Variants in THSD7A observed in about 807,000 individuals in gnomAD.
THSD7A encodes thrombospondin type-1 domain-containing protein 7A.
THSD7A carries 96 observed loss-of-function variants against 231.3 expected under a neutral mutation model. The ratio of observed to expected loss-of-function variants is 0.41; its 90% CI spans 0.35 to 0.49. The LOEUF is 0.49. THSD7A is among the 20% of genes least tolerant of loss of function. THSD7A has a pLI of 0.05. For synonymous variants in THSD7A, 940 were observed against 743.3 expected, an observed-to-expected ratio of 1.26 and a Z score of -4.30; for missense variants, 2,290 against 2,070.2, an observed-to-expected ratio of 1.11 and a Z score of -2.06.
chr7:11,758,010 C>CATAT (rs3037680), intron 1 of THSD7A, among the ~76,000 whole-genome samples: 2,401 of 142,730 alleles, frequency 0.017, 22 homozygotes, highest in Middle Eastern at 0.025. Flanking sequence ...CATATGCATT[C>CATAT]ATATATATAT....
intron 24 of THSD7A, 31 bp from the exon 25 acceptor site, chr7:11,379,743 T>C (rs1022082658): frequency 3.9e-6 from 6 of 1,552,322 alleles, no homozygotes; most frequent in Admixed American, 3.9e-5. Flanking sequence ...TTTTGACAAA[T>C]AATATATTTT....
intron 1 of THSD7A, among the ~76,000 whole-genome samples, chr7:11,762,730 C>T (rs1782904745): frequency 6.6e-6 from 1 of 152,012 alleles, no homozygotes; most frequent in Non-Finnish European, 1.5e-5. Flanking sequence ...TGCAGAAACT[C>T]TTTAATTTAT....
In THSD7A at chr7:11,401,355, C is replaced by A. The variant is rs79971706; in HGVS notation, c.4411+440G>T. 2.1e-3 allele frequency among the ~76,000 whole-genome samples: 318 copies of A among 152,278 alleles called. 1 individual carries two copies. In the East Asian group the frequency reaches 0.05, roughly 24 times the overall value. On this transcript the variant is annotated intron_variant, in intron 23 of 27. Coordinates refer to ENST00000423059, the MANE Select transcript of THSD7A (RefSeq NM_015204.3). ...TTCCATCTTTCCAATCTTTAGAATT[C>A]AGAATCTTCCCCTTACTTTAGTCCT...
chr7:11,589,783 T>C (rs1780079984), intron 4 of THSD7A, among the ~76,000 whole-genome samples: 1 of 152,222 alleles, frequency 6.6e-6, no homozygotes, highest in Admixed American at 6.5e-5. Flanking sequence ...ATACACTTAA[T>C]CAAATAATTA....
At chr7:11,635,580 T>TAA (rs1169384884) in intron 2 of THSD7A, among the ~76,000 whole-genome samples, 1 of 152,216 alleles carries the variant, frequency 6.6e-6, no homozygotes, top group Non-Finnish European at 1.5e-5. Flanking sequence ...ACCCTCTACT[T>TAA]ACCTTATTTT....
At chr7:11,738,653 T>C (rs1029356188) in intron 1 of THSD7A, among the ~76,000 whole-genome samples, 2 of 151,916 alleles carry the variant, frequency 1.3e-5, no homozygotes, top group African/African-American at 2.4e-5. Flanking sequence ...ATCCCTATGA[T>C]CTGTGATCAC....
rs1781934308 is a variant in THSD7A at position 11,637,960 on chromosome 7, C to A, written c.191-999G>T. Among the ~76,000 whole-genome samples, 1 of 151,538 alleles carries A rather than the reference C, an allele frequency of 6.6e-6. No individual in the cohort carries two copies. Among genetic ancestry groups the A allele is most frequent in the African/African-American group, 2.4e-5 (1 of 41,278 alleles). ...AAAGTTCATGTAAGTACATGATTTT[C>A]AAAAAGTATTCCATGAATTTGAGAA... On this transcript the variant is annotated intron_variant, in intron 1 of 27. Coordinates refer to ENST00000423059, the MANE Select transcript of THSD7A (RefSeq NM_015204.3). This position sits in a 1 kb window ranked among gnomAD's most constrained non-coding sequence, Gnocchi z 4.2.
chr7:11,556,281 G>A (rs942899078), intron 4 of THSD7A, among the ~76,000 whole-genome samples: 1 of 150,758 alleles, frequency 6.6e-6, no homozygotes, highest in Non-Finnish European at 1.5e-5. Context: ...ATATATATGG[G>A]TGTGTATGTG....
Position 11,820,934 on chromosome 7 carries a change from T to C in THSD7A, c.190+10823A>G. ...CTCTAGATTTACCTCGCTGAAGATC[T>C]CTCTCCTTATGTTTTTTATGACGTT... On this transcript the variant is annotated intron_variant, in intron 1 of 27. Transcript: ENST00000423059. 2 of 979,370 alleles carry C rather than the reference T, an allele frequency of 2.0e-6. 1 individual carries two copies. The highest frequency in any genetic ancestry group is 2.9e-5 in the South Asian group (2 of 68,902). 60.7% of individuals were successfully genotyped at this position (979,370 alleles called of 1,614,324 possible).
intron 1 of THSD7A, among the ~76,000 whole-genome samples, chr7:11,697,980 G>C (rs149292496): frequency 1.3e-5 from 2 of 151,440 alleles, no homozygotes; most frequent in South Asian, 4.1e-4. Context: ...TTAGTCATAC[G>C]AATGCCCCAG....
chr7:11,509,821 C>CAAAAAAAAAAAAAAAAAAAAA lies in THSD7A; in HGVS notation c.1823-27840_1823-27839insTTTTTTTTTTTTTTTTTTTTT, dbSNP rs751048602. On this transcript the variant is annotated intron_variant, in intron 6 of 27. Transcript: ENST00000423059. ...TGGGCGACAGAGCCAGAGTCCGTCT[C>CAAAAAAAAAAAAAAAAAAAAA]AAAAAAAAAAAAAAATAACATCTGA... Among the ~76,000 whole-genome samples the CAAAAAAAAAAAAAAAAAAAAA allele has an allele frequency of 8.5e-4, 34 of 39,912 alleles. 1 individual carries two copies. Among genetic ancestry groups the CAAAAAAAAAAAAAAAAAAAAA allele is most frequent in the East Asian group, 5.5e-3 (10 of 1,812 alleles). The allele number at this position is 39,912 out of a possible 152,430, so 26.2% of individuals were successfully genotyped here. A position where few individuals can be genotyped will look rare whatever the true frequency, so the allele number is the denominator to read the frequency against.
intron 1 of THSD7A, among the ~76,000 whole-genome samples, chr7:11,725,418 T>C (rs1182346331): frequency 6.6e-6 from 1 of 151,938 alleles, no homozygotes; most frequent in African/African-American, 2.4e-5. Flanking sequence ...TTTTTGTTGT[T>C]AGGGTTATAA....
At chr7:11,501,976 G>A (rs1214559953) in intron 6 of THSD7A, among the ~76,000 whole-genome samples, 1 of 152,000 alleles carries the variant, frequency 6.6e-6, no homozygotes, top group African/African-American at 2.4e-5. Flanking sequence ...ATATAAGTAT[G>A]ACCATCAGAA....
At chr7:11,755,042 T>C (rs1247153212) in intron 1 of THSD7A, among the ~76,000 whole-genome samples, 1 of 152,052 alleles carries the variant, frequency 6.6e-6, no homozygotes. Context: ...ATTATATACA[T>C]GATCAGTAGT....
intron 17 of THSD7A, 63 bp from the exon 18 acceptor site, chr7:11,412,863 G>T (rs1283557302): frequency 1.3e-6 from 2 of 1,550,672 alleles, no homozygotes; most frequent in Non-Finnish European, 1.8e-6. Flanking sequence ...TGGTATATTA[G>T]AGACAGCACT....
chr7:11,533,237 G>C (rs1788777143), intron 6 of THSD7A, among the ~76,000 whole-genome samples: 1 of 152,282 alleles, frequency 6.6e-6, no homozygotes, highest in South Asian at 2.1e-4. Context: ...TAATTTCTGT[G>C]GTCCAGAGGC....
chr7:11,388,147 T>C (rs1244384998), intron 23 of THSD7A, among the ~76,000 whole-genome samples: 2 of 152,102 alleles, frequency 1.3e-5, no homozygotes, highest in African/African-American at 4.8e-5. Context: ...ATCAGGGATA[T>C]TGGCCTGAAA....
At chr7:11,685,601 C>T (rs909063949) in intron 1 of THSD7A, among the ~76,000 whole-genome samples, 1 of 151,814 alleles carries the variant, frequency 6.6e-6, no homozygotes, top group Admixed American at 6.6e-5. Context: ...ACACAAGCAG[C>T]CAACAAACAT....
intron 4 of THSD7A, among the ~76,000 whole-genome samples, chr7:11,576,947 A>T (rs762675111): frequency 6.6e-6 from 1 of 152,224 alleles, no homozygotes; most frequent in Admixed American, 6.5e-5. Flanking sequence ...AAGCAAATGC[A>T]TAGGGGAAGC....
Sources: allele counts gnomAD v4.1 joint callset (sites outside exome capture counted in the v4.1 genomes callset), GRCh38; gene constraint gnomAD v4.1.1; non-coding constraint Gnocchi (gnomAD v3.1); transcripts MANE v1.5; gene names NCBI Gene and HGNC (gene_info 2026-07-23, HGNC 2026-07-21).